Variants in MLPH observed in about 807,000 individuals in gnomAD.
MLPH encodes melanophilin.
MLPH carries 51 observed loss-of-function variants against 72.1 expected under a neutral mutation model. That is an observed-to-expected ratio of 0.71 (90% CI 0.56 to 0.89). The LOEUF is 0.89. Ranked by LOEUF, MLPH falls within the 40% of genes least tolerant of loss-of-function variation. The pLI is 0.00. For synonymous variants in MLPH, 301 were observed against 310.1 expected (o/e 0.97, Z 0.31); for missense variants, 743 against 759.9 (o/e 0.98, Z 0.26).
At chr2:237,521,593 T>C (rs2106327509) in intron 6 of MLPH, among the ~76,000 whole-genome samples, 1 of 152,264 alleles carries the variant, frequency 6.6e-6, no homozygotes, top group Non-Finnish European at 1.5e-5. Flanking sequence ...GCGATGTTTT[T>C]TGATATCATT....
chr2:237,543,059 T>TGG (rs1275110983), intron 12 of MLPH, among the ~76,000 whole-genome samples: 1 of 33,328 alleles, frequency 3.0e-5, no homozygotes, highest in Non-Finnish European at 5.6e-5. Context: ...CAGTGGTGAG[T>TGG]GGGCACGGTA....
At chr2:237,488,311 C>G (rs1193441371) in intron 1 of MLPH, among the ~76,000 whole-genome samples, 1 of 152,182 alleles carries the variant, frequency 6.6e-6, no homozygotes, top group Non-Finnish European at 1.5e-5. Context: ...TCTGGACTTG[C>G]AGACCGCGTT....
intron 9 of MLPH, among the ~76,000 whole-genome samples, chr2:237,538,857 C>G (rs967429675): frequency 1.5e-4 from 23 of 152,164 alleles, no homozygotes; most frequent in African/African-American, 4.8e-4. Flanking sequence ...GCAGAAGGTC[C>G]CTGGGGTGAG....
intron 4 of MLPH, 78 bp from the exon 5 acceptor site, chr2:237,518,461 G>T (rs776936306): frequency 2.6e-6 from 3 of 1,160,438 alleles, no homozygotes; most frequent in East Asian, 2.5e-5. Context: ...TTAGTGGATG[G>T]ATGGGTGGAT....
intron 4 of MLPH, among the ~76,000 whole-genome samples, chr2:237,517,117 A>T (rs1307604727): frequency 6.6e-6 from 1 of 151,378 alleles, no homozygotes; most frequent in Non-Finnish European, 1.5e-5. Flanking sequence ...GAGTGGATGG[A>T]TAAATAGATG....
intron 4 of MLPH, among the ~76,000 whole-genome samples, chr2:237,516,041 A>G (rs6744807): frequency 0.2 from 30,755 of 152,158 alleles, 3,813 homozygotes; most frequent in African/African-American, 0.35. Flanking sequence ...GCAGTTGACA[A>G]TGCACACTCC....
intron 2 of MLPH, among the ~76,000 whole-genome samples, chr2:237,508,864 G>T (rs1197281943): frequency 1.3e-5 from 2 of 152,158 alleles, no homozygotes; most frequent in African/African-American, 4.8e-5. Flanking sequence ...ACTTGCTTAT[G>T]CCCCATTCAG....
At chr2:237,518,252 T>C in intron 4 of MLPH, 1 of 509,030 alleles carries the variant, frequency 2.0e-6, no homozygotes, top group East Asian at 3.8e-5. Context: ...GGTGGATGGA[T>C]TGATGCATGG....
chr2:237,545,684 A>C, intron 12 of MLPH: 1 of 1,220,678 alleles, frequency 8.2e-7, no homozygotes, highest in Non-Finnish European at 1.0e-6. Context: ...CCATTCAGGA[A>C]TCTTCAGACA....
At chr2:237,518,045 A>G in intron 4 of MLPH, 1 of 227,726 alleles carries the variant, frequency 4.4e-6, no homozygotes, top group Non-Finnish European at 8.6e-6. Context: ...TGGGTGGGTG[A>G]GTGGATGAGC....
At chr2:237,519,789 GGA>G (rs1253579990) in intron 5 of MLPH, 119 bp from the exon 6 acceptor site, 128 of 1,404,564 alleles carry the variant, frequency 9.1e-5, no homozygotes, top group Non-Finnish European at 1.2e-4. Flanking sequence ...GGATGTGCTG[GGA>G]GAGGAGCCTG....
chr2:237,494,596 T>TG (rs1416205148), intron 2 of MLPH, among the ~76,000 whole-genome samples: 12 of 151,254 alleles, frequency 7.9e-5, no homozygotes, highest in Non-Finnish European at 1.8e-4. Context: ...AGAGATCAGA[T>TG]GGGGGGTCTC....
At chr2:237,521,699 A>G (rs373680566) in intron 6 of MLPH, among the ~76,000 whole-genome samples, 2 of 152,262 alleles carry the variant, frequency 1.3e-5, no homozygotes, top group East Asian at 3.8e-4. Context: ...ATTGAAGGGT[A>G]GAAGCAGATG....
At chr2:237,516,288 C>A (rs1020920199) in intron 4 of MLPH, among the ~76,000 whole-genome samples, 1 of 152,180 alleles carries the variant, frequency 6.6e-6, no homozygotes, top group Non-Finnish European at 1.5e-5. Context: ...GCCACAGCAC[C>A]GGCCAAGCCA....
At chr2:237,518,194 G>A (rs2080093414) in intron 4 of MLPH, 1 of 399,220 alleles carries the variant, frequency 2.5e-6, no homozygotes, top group Non-Finnish European at 4.8e-6. Flanking sequence ...GTGGGTGGAT[G>A]GGTGGATGAA....
intron 4 of MLPH, among the ~76,000 whole-genome samples, chr2:237,513,075 A>G (rs1332347915): frequency 6.6e-6 from 1 of 151,910 alleles, no homozygotes. Context: ...CAAGCAAGGA[A>G]CACAAACACT....
Position 237,546,590 on chromosome 2 carries a change from C to A in MLPH, c.1540-16C>A, listed in dbSNP as rs369166945. 20 of 1,613,058 alleles carry A rather than the reference C, an allele frequency of 1.2e-5. No homozygotes were observed. The African/African-American group carries it at 2.0e-4, about 16-fold the overall frequency. ...GGAGGTTCAACAATAACATAAGTCT[C>A]TTCTTTGCCCTCCAGATATTTCTCC... On this transcript the variant is annotated splice_polypyrimidine_tract_variant and intron_variant, in intron 12 of 15. Coordinates refer to ENST00000264605, the MANE Select transcript of MLPH (RefSeq NM_024101.7).
At chr2:237,511,430 G>A (rs572711421) in intron 4 of MLPH, 15 of 357,628 alleles carry the variant, frequency 4.2e-5, no homozygotes, top group Non-Finnish European at 8.0e-5. Flanking sequence ...TCCTTTTTAT[G>A]TGAGGTGCAA....
At chr2:237,546,900 G>A (rs1230160792) in intron 13 of MLPH, among the ~76,000 whole-genome samples, 1 of 152,204 alleles carries the variant, frequency 6.6e-6, no homozygotes, top group Non-Finnish European at 1.5e-5. Context: ...AGATGCATTT[G>A]TTGAAAATCC....
Sources: allele counts gnomAD v4.1 joint callset (sites outside exome capture counted in the v4.1 genomes callset), GRCh38; gene constraint gnomAD v4.1.1; transcripts MANE v1.5; gene names NCBI Gene and HGNC (gene_info 2026-07-23, HGNC 2026-07-21).